LAYN: variants seen among roughly 807,000 people sequenced by gnomAD.
The protein encoded by LAYN is layilin.
In LAYN, 38 loss-of-function variants were observed where a neutral mutation model predicts 43.6. The observed-to-expected ratio is 0.87, with a 90% confidence interval of 0.67 to 1.14. The LOEUF is 1.14. LAYN is among the 50% of genes most tolerant of loss of function. LAYN has a pLI of 0.00. For synonymous variants in LAYN, 168 were observed against 172.9 expected (o/e 0.97, Z 0.22); for missense variants, 479 against 463.8 (o/e 1.03, Z -0.30).
intron 1 of LAYN, among the ~76,000 whole-genome samples, chr11:111,543,265 A>G (rs1418967557): frequency 1.1e-4 from 16 of 152,218 alleles, no homozygotes; most frequent in Admixed American, 1.0e-3. Context: ...TCAGGGGACT[A>G]TTATGAGGGT....
chr11:111,559,972 C>A (rs1867922092), intron 6 of LAYN, 123 bp from the exon 7 acceptor site: 1 of 1,152,698 alleles, frequency 8.7e-7, no homozygotes, highest in African/African-American at 1.5e-5. Context: ...CTGTAAGTTA[C>A]ATAGACGAGA....
At chr11:111,549,864 G>T in intron 3 of LAYN, 89 bp downstream of exon 3, 1 of 1,396,054 alleles carries the variant, frequency 7.2e-7, no homozygotes, top group Non-Finnish European at 9.7e-7. Flanking sequence ...TTGTCATGTG[G>T]TCTCTGAGAA....
chr11:111,556,984 G>T (rs758490140), intron 5 of LAYN, among the ~76,000 whole-genome samples: 1 of 152,176 alleles, frequency 6.6e-6, no homozygotes, highest in Non-Finnish European at 1.5e-5. Context: ...GTTTTACACT[G>T]TAATTTACTT....
intron 1 of LAYN, among the ~76,000 whole-genome samples, chr11:111,541,958 C>G (rs1026235535): frequency 6.6e-6 from 1 of 152,144 alleles, no homozygotes; most frequent in African/African-American, 2.4e-5. Flanking sequence ...GGGCCTCCTT[C>G]CAGCTCTGAC....
intron 3 of LAYN, among the ~76,000 whole-genome samples, chr11:111,552,666 T>C (rs1421504891): frequency 6.6e-6 from 1 of 152,236 alleles, no homozygotes; most frequent in Non-Finnish European, 1.5e-5. Flanking sequence ...ATGTGCCGTT[T>C]TTAACTTTGC....
At chr11:111,555,080 C>T (rs150343355) in intron 4 of LAYN, 127 bp from the exon 5 acceptor site, 7 of 665,234 alleles carry the variant, frequency 1.1e-5, no homozygotes, top group East Asian at 5.3e-5. Context: ...TACTTTTCTA[C>T]GTTTATAGAT....
chr11:111,551,158 G>C (rs1867737432), intron 3 of LAYN, among the ~76,000 whole-genome samples: 1 of 152,194 alleles, frequency 6.6e-6, no homozygotes, highest in Non-Finnish European at 1.5e-5. Context: ...GGTTTTAGCA[G>C]AACCCGGGAA....
chr11:111,545,299 C>G (rs2135792037), intron 2 of LAYN, among the ~76,000 whole-genome samples: 1 of 152,240 alleles, frequency 6.6e-6, no homozygotes, highest in South Asian at 2.1e-4. Context: ...ATTGACTTCC[C>G]TACTCTATTA....
chr11:111,548,515 C>T (rs1463288531), intron 2 of LAYN, among the ~76,000 whole-genome samples: 2 of 152,194 alleles, frequency 1.3e-5, no homozygotes, highest in Non-Finnish European at 2.9e-5. Context: ...TAATGAGGTG[C>T]CCCCAGCTGT....
In LAYN at chr11:111,540,810, G is replaced by A. The variant is rs369547619; in HGVS notation, c.-34G>A. The A allele has an allele frequency of 2.0e-6, 3 of 1,512,284 alleles. No individual in the cohort carries two copies. Among genetic ancestry groups the A allele is most frequent in the Non-Finnish European group, 2.6e-6 (3 of 1,136,974 alleles). 93.7% of individuals were successfully genotyped at this position (1,512,284 alleles called of 1,614,324 possible). ...CGCCAGCCCGCTCCACCGCCGTAGCGCCCGAGTGTCGGGGGGCGCACCCGA... is the reference window on the plus strand; with the variant it reads ...CGCCAGCCCGCTCCACCGCCGTAGCACCCGAGTGTCGGGGGGCGCACCCGA... On this transcript the variant is annotated 5_prime_UTR_variant, in exon 1 of 7. Transcript: ENST00000375614.
At chr11:111,554,109 G>T (rs1867790950) in intron 3 of LAYN, among the ~76,000 whole-genome samples, 1 of 152,076 alleles carries the variant, frequency 6.6e-6, no homozygotes, top group Non-Finnish European at 1.5e-5. Context: ...AGTGTTTGTT[G>T]CCCTCTAAAA....
intron 3 of LAYN, among the ~76,000 whole-genome samples, chr11:111,553,755 T>TACACAC (rs1565271662): frequency 1.9e-4 from 20 of 104,072 alleles, no homozygotes; most frequent in African/African-American, 5.3e-4. Context: ...CACACACACT[T>TACACAC]ATGGGAAGAT....
At chr11:111,551,853 T>C (rs1486954761) in intron 3 of LAYN, among the ~76,000 whole-genome samples, 1 of 152,198 alleles carries the variant, frequency 6.6e-6, no homozygotes, top group Non-Finnish European at 1.5e-5. Context: ...GAAAATAGTA[T>C]TGCATCAATG....
chr11:111,560,537 C>A lies in LAYN; in HGVS notation c.*79C>A. On this transcript the variant is annotated 3_prime_UTR_variant, in exon 7 of 7. Coordinates refer to ENST00000375614, the MANE Select transcript of LAYN (RefSeq NM_178834.5). ...CCTCTTATTTTCTATAAGGAAAATA[C>A]ACAGAAGGTCTATGAACAAGCTTAG... 1 of 1,422,314 alleles carries A rather than the reference C, an allele frequency of 7.0e-7. No homozygotes were observed. Among genetic ancestry groups the A allele is most frequent in the Non-Finnish European group, 9.5e-7 (1 of 1,050,254 alleles). 88.1% of individuals were successfully genotyped at this position (1,422,314 alleles called of 1,614,324 possible).
chr11:111,557,960 C>T (rs909704170), intron 6 of LAYN, among the ~76,000 whole-genome samples: 3 of 152,144 alleles, frequency 2.0e-5, no homozygotes, highest in Non-Finnish European at 4.4e-5. Flanking sequence ...GAATGTATGC[C>T]CTCACTCTGA....
Position 111,560,705 on chromosome 11 carries a change from C to G in LAYN, c.*247C>G, listed in dbSNP as rs934933316. 1 of 454,436 alleles carries G rather than the reference C, an allele frequency of 2.2e-6. No individual in the cohort carries two copies. The allele number at this position is 454,436 out of a possible 1,614,324, so 28.2% of individuals were successfully genotyped here. ...CCAGGTCTGGCACATAGTAGAGTCT[C>G]AATAAATGTCACTTGGTTGGTTGTA... is the stretch of plus-strand genomic sequence containing the variant. On this transcript the variant is annotated 3_prime_UTR_variant, in exon 7 of 7. Coordinates refer to ENST00000375614, the MANE Select transcript of LAYN (RefSeq NM_178834.5).
Position 111,560,189 on chromosome 11 carries a change from G to A in LAYN, c.856G>A (p.Val286Ile). ...CAGCCCGGACCTAGAGGTCTACAATGTCATAAGAAAACAAAGCGAAGCTGA... is the reference window on the plus strand; with the variant it reads ...CAGCCCGGACCTAGAGGTCTACAATATCATAAGAAAACAAAGCGAAGCTGA... Reference protein sequence around the residue: ...GNSPDLEVYNVIRKQSEADLA... With the variant: ...GNSPDLEVYNIIRKQSEADLA... Residue 286 changes from valine (V) to isoleucine (I), a missense_variant, in exon 7 of 7, where the codon GTC becomes ATC. Val to Ile is a conservative substitution (Grantham distance 29). Transcript: ENST00000375614. 1 of 1,614,212 alleles carries A rather than the reference G, an allele frequency of 6.2e-7. No individual in the cohort carries two copies. The highest frequency in any genetic ancestry group is 8.5e-7 in the Non-Finnish European group (1 of 1,180,034).
chr11:111,555,995 A>G (rs986459718), intron 5 of LAYN, among the ~76,000 whole-genome samples: 2 of 152,208 alleles, frequency 1.3e-5, no homozygotes, highest in African/African-American at 4.8e-5. Flanking sequence ...GCTCATGAGC[A>G]CAACTCATAC....
chr11:111,551,186 A>G (rs1867738419), intron 3 of LAYN: 5 of 370,774 alleles, frequency 1.3e-5, no homozygotes, highest in South Asian at 1.0e-4. Context: ...GGGTCATGAA[A>G]GAGGACCCGC....
Sources: gnomAD v4.1 joint callset for allele counts (sites outside exome capture counted in the v4.1 genomes callset) on GRCh38, gnomAD v4.1.1 for gene constraint, MANE v1.5 for transcripts, NCBI Gene and HGNC (gene_info 2026-07-23, HGNC 2026-07-21) for gene names.